The following SYNPO2 variants were observed in gnomAD, a reference collection of about 807,000 sequenced individuals.
The protein encoded by SYNPO2 is synaptopodin 2.
In SYNPO2, 56 loss-of-function variants were observed where a neutral mutation model predicts 85.0. The observed-to-expected ratio is 0.66, with a 90% CI of 0.53 to 0.82. The LOEUF (loss-of-function observed/expected upper bound fraction) is 0.82. Ranked by LOEUF, SYNPO2 falls within the 40% of genes least tolerant of loss-of-function variation. The pLI is 0.00. For synonymous variants in SYNPO2, 602 were observed against 591.1 expected (o/e 1.02, Z -0.27); for missense variants, 1,575 against 1,534.2 (o/e 1.03, Z -0.44).
upstream of SYNPO2, among the ~76,000 whole-genome samples, chr4:118,886,432 G>A (rs1490754075): frequency 6.6e-6 from 1 of 152,092 alleles, no homozygotes; most frequent in East Asian, 1.9e-4. Flanking sequence ...GCCTCAGTGT[G>A]TGATGTTTCC....
intron 1 of SYNPO2, among the ~76,000 whole-genome samples, chr4:119,012,102 C>T (rs978521274): frequency 9.2e-5 from 14 of 151,494 alleles, no homozygotes; most frequent in Non-Finnish European, 1.9e-4. Flanking sequence ...TTTGTATTTT[C>T]AGTAGAGATG....
At chr4:118,983,614 A>G (rs1256643400) in intron 1 of SYNPO2, among the ~76,000 whole-genome samples, 1 of 152,068 alleles carries the variant, frequency 6.6e-6, no homozygotes, top group African/African-American at 2.4e-5. Context: ...CTCGCTGAAC[A>G]TTTCTCCTTA....
At chr4:118,966,262 C>T (rs921674055) in intron 1 of SYNPO2, among the ~76,000 whole-genome samples, 15 of 152,330 alleles carry the variant, frequency 9.8e-5, no homozygotes, top group Admixed American at 6.5e-4. Flanking sequence ...AGGCATTCAT[C>T]ATCGCTCCCT....
chr4:118,912,641 CT>C (rs1299106996), intron 1 of SYNPO2, among the ~76,000 whole-genome samples: 3 of 152,072 alleles, frequency 2.0e-5, no homozygotes, highest in Non-Finnish European at 4.4e-5. Context: ...TTTTTTCCCT[CT>C]AATTATCCTT....
intron 1 of SYNPO2, among the ~76,000 whole-genome samples, chr4:118,856,661 A>T (rs1476558151): frequency 1.3e-5 from 2 of 152,010 alleles, no homozygotes; most frequent in African/African-American, 4.8e-5. Context: ...CCACAGGCAC[A>T]TATCATCACA....
At chr4:118,885,189 T>C (rs548579506), upstream of SYNPO2, among the ~76,000 whole-genome samples, 1 of 152,084 alleles carries the variant, frequency 6.6e-6, no homozygotes, top group Admixed American at 6.6e-5. Flanking sequence ...GTGGAAGAAG[T>C]AGGTAGTGGG....
Position 119,031,248 on chromosome 4 carries a change from G to T in SYNPO2, c.2473G>T (p.Ala825Ser). 5 of 1,614,066 alleles carry T rather than the reference G, an allele frequency of 3.1e-6. No homozygotes were observed. Among genetic ancestry groups the T allele is most frequent in the Non-Finnish European group, 4.2e-6 (5 of 1,180,018 alleles). ...PARPASTLNV[A>S]GPFKGPQAAV... is the part of the protein sequence containing the mutation. The stretch of plus-strand genomic sequence containing the variant: ...CCGGCCTGCAAGTACTTTGAACGTG[G>T]CTGGTCCCTTCAAAGGACCACAAGC... The change falls in exon 4 of 5, where the codon GCT becomes TCT. Residue 825 changes from alanine to serine, a missense_variant. By Grantham distance (99) the Ala-to-Ser change is moderately conservative. Around this residue, in one of 3 missense-constraint regions of SYNPO2, gnomAD observed 1,508 missense variants for 1,446.8 expected, o/e 1.04. Transcript: ENST00000307142.
At chr4:118,962,550 A>T (rs533462001) in intron 1 of SYNPO2, among the ~76,000 whole-genome samples, 1 of 152,324 alleles carries the variant, frequency 6.6e-6, no homozygotes, top group Admixed American at 6.5e-5. Context: ...GGGTTTTAGA[A>T]TAGTCCTAAA....
At chr4:118,878,861 C>G (rs182020571) in intron 1 of SYNPO2, among the ~76,000 whole-genome samples, 3 of 152,370 alleles carry the variant, frequency 2.0e-5, no homozygotes, top group South Asian at 4.1e-4. Context: ...GAGGCACCCA[C>G]TCAGGTCCTT....
intron 4 of SYNPO2, chr4:119,032,571 G>C: frequency 1.0e-6 from 1 of 995,960 alleles, no homozygotes; most frequent in Non-Finnish European, 1.2e-6. Context: ...CCACCTGTTT[G>C]ATATCACAGA....
chr4:119,031,238 T>G lies in SYNPO2; in HGVS notation c.2463T>G (p.Thr821=). 6 of 1,614,122 alleles carry G rather than the reference T, an allele frequency of 3.7e-6. No homozygotes were observed. Among genetic ancestry groups the G allele is most frequent in the Non-Finnish European group, 5.1e-6 (6 of 1,180,022 alleles). Residue 821 remains threonine, a synonymous_variant, in exon 4 of 5, where the codon ACT becomes ACG. Coordinates refer to ENST00000307142, the MANE Select transcript of SYNPO2 (RefSeq NM_133477.3). ...ACCCTCCTGCCCGGCCTGCAAGTAC[T>G]TTGAACGTGGCTGGTCCCTTCAAAG... ...PSYPPARPAS[T]LNVAGPFKGP...
At chr4:118,977,123 G>A (rs11098468) in intron 1 of SYNPO2, among the ~76,000 whole-genome samples, 113,748 of 151,534 alleles carry the variant, frequency 0.75, 42,808 homozygotes, top group Middle Eastern at 0.84. Flanking sequence ...AGGGAGGCTC[G>A]GGCCGCACAG....
chr4:118,933,829 G>GTTTTTTTTTTTTTTT lies in SYNPO2; in HGVS notation c.105+44691_105+44705dup, dbSNP rs71595334. Reference sequence around the variant, plus strand: ...ATAGCTGCTTTTTGCTGTTGTTGTTGTTTTTTTTTTTTTTTTTGGACAGTA... The same window carrying GTTTTTTTTTTTTTTT: ...ATAGCTGCTTTTTGCTGTTGTTGTTGTTTTTTTTTTTTTTTTTTTTTTTTTTTTTTTTGGACAGTA... On this transcript the variant is annotated intron_variant, in intron 1 of 4. Transcript: ENST00000307142. Among the ~76,000 whole-genome samples the GTTTTTTTTTTTTTTT allele has an allele frequency of 2.2e-4, 23 of 102,300 alleles. 1 individual carries two copies. The highest frequency in any genetic ancestry group is 6.0e-4 in the Admixed American group (5 of 8,278). The allele number at this position is 102,300 out of a possible 152,430, so 67.1% of individuals were successfully genotyped here. A position where few individuals can be genotyped will look rare whatever the true frequency, so the allele number is the denominator to read the frequency against.
At chr4:119,034,936 G>A (rs1738442068) in intron 4 of SYNPO2, 1 of 985,452 alleles carries the variant, frequency 1.0e-6, no homozygotes, top group Non-Finnish European at 1.2e-6. Context: ...CTGGTTATGA[G>A]GTGTAGGGAG....
chr4:118,966,810 T>A (rs990223666), intron 1 of SYNPO2, among the ~76,000 whole-genome samples: 3 of 152,142 alleles, frequency 2.0e-5, no homozygotes, highest in Admixed American at 1.3e-4. Flanking sequence ...ATTTTACTAA[T>A]GTAGGTTGAA....
At chr4:118,872,231 A>G (rs564709869) in intron 1 of SYNPO2, among the ~76,000 whole-genome samples, 2 of 152,292 alleles carry the variant, frequency 1.3e-5, no homozygotes, top group African/African-American at 2.4e-5. Context: ...AATAACGTAC[A>G]TTGTACCTGT....
rs138329769 is a variant in SYNPO2 at position 118,899,206 on chromosome 4, G to A, written c.105+10065G>A. On this transcript the variant is annotated intron_variant, in intron 1 of 4. Coordinates refer to ENST00000307142, the MANE Select transcript of SYNPO2 (RefSeq NM_133477.3). ...ATTTTGAGCATATCCCATATACAGG[G>A]TGTATGTACATATATATAAAATATA... Among the ~76,000 whole-genome samples, 69 of 152,208 alleles carry A rather than the reference G, an allele frequency of 4.5e-4. 1 individual carries two copies. In the East Asian group the frequency reaches 0.01, roughly 23 times the overall value.
chr4:118,920,413 A>T (rs545568316), intron 1 of SYNPO2, among the ~76,000 whole-genome samples: 2 of 152,240 alleles, frequency 1.3e-5, no homozygotes, highest in Admixed American at 1.3e-4. Flanking sequence ...GGAGTGAGTG[A>T]GATCACCCAT....
intron 4 of SYNPO2, among the ~76,000 whole-genome samples, chr4:119,046,263 T>G (rs562816339): frequency 6.6e-6 from 1 of 152,376 alleles, no homozygotes; most frequent in South Asian, 2.1e-4. Context: ...CTCCTTCATG[T>G]TGGTCTTCTC....
Sources: allele counts gnomAD v4.1 joint callset (sites outside exome capture counted in the v4.1 genomes callset), GRCh38; gene constraint gnomAD v4.1.1; regional missense constraint gnomAD v4.1.1; transcripts MANE v1.5; gene names NCBI Gene and HGNC (gene_info 2026-07-23, HGNC 2026-07-21).